Variants in NXPE2 observed in about 807,000 individuals in gnomAD.
NXPE2 encodes neurexophilin and PC-esterase domain family member 2.
A neutral mutation model predicts 34.4 loss-of-function variants in NXPE2; 34 were observed. The ratio of observed to expected loss-of-function variants is 0.99; its 90% CI spans 0.75 to 1.31. NXPE2 has a LOEUF of 1.31. Among genes scored for constraint, NXPE2 ranks in the 40% most tolerant of loss-of-function variants. The pLI, the probability that NXPE2 is intolerant of heterozygous loss-of-function variation, is 0.00. For missense variants in NXPE2, 649 were observed against 672.5 expected, an observed-to-expected ratio of 0.97 and a Z score of 0.39; for synonymous variants, 235 against 231.3, an observed-to-expected ratio of 1.02 and a Z score of -0.15.
chr11:114,617,073 T>G, the NXPE2 span, among the ~76,000 whole-genome samples: 1 of 151,696 alleles, frequency 6.6e-6, no homozygotes, highest in South Asian at 2.1e-4. Context: ...GCCTCTTGGG[T>G]AACAACTGTT....
chr11:114,501,879 C>T, the NXPE2 span, among the ~76,000 whole-genome samples: 1 of 152,166 alleles, frequency 6.6e-6, no homozygotes, highest in East Asian at 1.9e-4. Context: ...AGAACATGAA[C>T]TTGATGTGGG....
chr11:114,779,668 C>CAGAGT, the NXPE2 span, among the ~76,000 whole-genome samples: 2 of 152,056 alleles, frequency 1.3e-5, no homozygotes, highest in Admixed American at 1.3e-4. Flanking sequence ...CAATGACCTC[C>CAGAGT]AGAGTAAACA....
At chr11:114,651,462 A>C in the NXPE2 span, among the ~76,000 whole-genome samples, 1 of 152,184 alleles carries the variant, frequency 6.6e-6, no homozygotes, top group Non-Finnish European at 1.5e-5. Context: ...TGTGGACCCA[A>C]AGAGTAAGCA....
chr11:114,477,109 A>G, the NXPE2 span, among the ~76,000 whole-genome samples: 5 of 152,178 alleles, frequency 3.3e-5, no homozygotes, highest in Non-Finnish European at 7.3e-5. Flanking sequence ...TATTTATACA[A>G]TGGAGTGCTG....
the NXPE2 span, among the ~76,000 whole-genome samples, chr11:114,633,521 G>C: frequency 1.3e-5 from 2 of 150,874 alleles, no homozygotes; most frequent in Non-Finnish European, 2.9e-5. Context: ...GTGCAGGTTA[G>C]TTATCCATAT....
the NXPE2 span, among the ~76,000 whole-genome samples, chr11:114,631,912 C>G: frequency 2.6e-5 from 4 of 151,294 alleles, no homozygotes; most frequent in Non-Finnish European, 5.9e-5. Flanking sequence ...TCGTGGGTCA[C>G]TACTGTTACC....
chr11:114,638,519 C>T, the NXPE2 span, among the ~76,000 whole-genome samples: 1 of 152,008 alleles, frequency 6.6e-6, no homozygotes, highest in African/African-American at 2.4e-5. Flanking sequence ...GAACTGTGTT[C>T]CTTTCGAGGA....
the NXPE2 span, among the ~76,000 whole-genome samples, chr11:114,536,436 G>C: frequency 6.6e-6 from 1 of 152,172 alleles, no homozygotes; most frequent in African/African-American, 2.4e-5. Flanking sequence ...TAAGATCAGA[G>C]CAGGACTGAA....
the NXPE2 span, among the ~76,000 whole-genome samples, chr11:114,632,699 TATATA>T: frequency 1.1e-3 from 77 of 71,960 alleles, no homozygotes; most frequent in African/African-American, 3.4e-3. Context: ...TTTATATATT[TATATA>T]ATATAATATA....
chr11:114,640,177 ATATAT>A, the NXPE2 span, among the ~76,000 whole-genome samples: 1 of 135,364 alleles, frequency 7.4e-6, no homozygotes, highest in African/African-American at 2.7e-5. Flanking sequence ...TAAATAATTT[ATATAT>A]TATATATAAT....
the NXPE2 span, among the ~76,000 whole-genome samples, chr11:114,667,487 A>G: frequency 1.3e-5 from 2 of 152,082 alleles, no homozygotes; most frequent in South Asian, 2.1e-4. Context: ...GTGGAACCCA[A>G]TTCCCCACCT....
chr11:114,803,360 C>T, the NXPE2 span, among the ~76,000 whole-genome samples: 1 of 152,336 alleles, frequency 6.6e-6, no homozygotes, highest in South Asian at 2.1e-4. Context: ...ATGCACACTT[C>T]AGTCGCTGTA....
At chr11:114,619,293 C>T in the NXPE2 span, among the ~76,000 whole-genome samples, 1 of 152,126 alleles carries the variant, frequency 6.6e-6, no homozygotes, top group South Asian at 2.1e-4. Context: ...AGTATTGCCT[C>T]GTGGGTAACC....
the NXPE2 span, among the ~76,000 whole-genome samples, chr11:114,652,090 A>AG: frequency 6.6e-6 from 1 of 151,844 alleles, no homozygotes; most frequent in Non-Finnish European, 1.5e-5. Flanking sequence ...CAATACTTAA[A>AG]TTTTTTTTTA....
chr11:114,472,244 T>A, the NXPE2 span, among the ~76,000 whole-genome samples: 1 of 152,204 alleles, frequency 6.6e-6, no homozygotes, highest in Non-Finnish European at 1.5e-5. Flanking sequence ...AGAGTTGTAT[T>A]TGTTGGCTTG....
chr11:114,574,814 G>C, the NXPE2 span, among the ~76,000 whole-genome samples: 18 of 152,210 alleles, frequency 1.2e-4, no homozygotes, highest in South Asian at 1.2e-3. Flanking sequence ...GACAGAGAAA[G>C]AGGGAATCCT....
chr11:114,520,512 C>T, the NXPE2 span, among the ~76,000 whole-genome samples: 2,898 of 152,234 alleles, frequency 0.019, 95 homozygotes, highest in African/African-American at 0.067. Flanking sequence ...ATCTGTTCAT[C>T]TATTGATGGG....
At chr11:114,506,258 C>G in the NXPE2 span, among the ~76,000 whole-genome samples, 1 of 152,066 alleles carries the variant, frequency 6.6e-6, no homozygotes, top group African/African-American at 2.4e-5. Context: ...TTCAAAGAGA[C>G]TTAGACTCTC....
chr11:114,812,593 CT>C, the NXPE2 span, among the ~76,000 whole-genome samples: 1 of 152,214 alleles, frequency 6.6e-6, no homozygotes, highest in South Asian at 2.1e-4. Context: ...GAGCAAAAAC[CT>C]AAGAAATTTC....
Sources: gnomAD v4.1 joint callset for allele counts (sites outside exome capture counted in the v4.1 genomes callset) on GRCh38, gnomAD v4.1.1 for gene constraint, MANE v1.5 for transcripts, NCBI Gene and HGNC (gene_info 2026-07-23, HGNC 2026-07-21) for gene names.